The following DOK7 variants were observed in gnomAD, a reference collection of about 807,000 sequenced individuals.
DOK7 encodes docking protein 7.
Under a neutral mutation model 30.7 loss-of-function variants are expected in DOK7, and 32 were observed. The observed-to-expected ratio is 1.04, with a 90% CI of 0.79 to 1.40. The LOEUF (loss-of-function observed/expected upper bound fraction) is 1.40, where lower values mean the gene tolerates loss of function less well. DOK7 is among the 40% of genes most tolerant of loss of function. DOK7 has a pLI of 0.00. For missense variants in DOK7, 1,007 were observed against 699.2 expected, an observed-to-expected ratio of 1.44 and a Z score of -4.97; for synonymous variants, 447 against 324.1, an observed-to-expected ratio of 1.38 and a Z score of -4.07.
chr4:3,484,237 C>T (rs761552074), intron 4 of DOK7, among the ~76,000 whole-genome samples: 10 of 152,210 alleles, frequency 6.6e-5, no homozygotes, highest in South Asian at 6.2e-4. Context: ...CACAAGGTGC[C>T]GCTCGCCCTC....
intron 4 of DOK7, among the ~76,000 whole-genome samples, chr4:3,482,992 G>A (rs13118673): frequency 0.6 from 90,602 of 150,492 alleles, 27,546 homozygotes; most frequent in East Asian, 0.69. Flanking sequence ...CAGAGGCCAA[G>A]AAAAGCATCA....
chr4:3,463,563 G>A lies in DOK7; in HGVS notation c.100+12G>A, dbSNP rs1726096972. On this transcript the variant is annotated intron_variant, in intron 2 of 6. Coordinates refer to ENST00000340083, the MANE Select transcript of DOK7 (RefSeq NM_173660.5). ...GTCGCCCGTGGCAGGTGAGCGGGGC[G>A]GGCGGGGGACGGGGGGCGCGGGGGT... 2 of 1,516,664 alleles carry A rather than the reference G, an allele frequency of 1.3e-6. No individual in the cohort carries two copies. Among genetic ancestry groups the A allele is most frequent in the African/African-American group, 2.8e-5 (2 of 71,754 alleles). The allele number at this position is 1,516,664 out of a possible 1,614,324, so 94.0% of individuals were successfully genotyped here. A position where few individuals can be genotyped will look rare whatever the true frequency, so the allele number is the denominator to read the frequency against.
At chr4:3,482,223 C>T (rs1025210377) in intron 4 of DOK7, among the ~76,000 whole-genome samples, 4 of 152,186 alleles carry the variant, frequency 2.6e-5, no homozygotes, top group Admixed American at 6.5e-5. Flanking sequence ...TAGCGGCTGG[C>T]GGCTGTTCCC....
At position 3,500,015 on chromosome 4, in the gene DOK7, C is replaced by T. The variant is rs78772495; in HGVS notation, c.1109-236C>T. 7.6e-3 allele frequency among the ~76,000 whole-genome samples: 1,150 copies of T among 151,156 alleles called. 44 individuals carry two copies. Among genetic ancestry groups the T allele is most frequent in the East Asian group, 0.057 (284 of 5,002 alleles). On this transcript the variant is annotated intron_variant, in intron 6 of 7. Coordinates refer to the DOK7 transcript ENST00000643608. Reference sequence around the variant, plus strand: ...CGGCACAGTGGAGGGGACAGCGCTTCCTTCTGCTCTGTGGGTACTTGGACC... The same window carrying T: ...CGGCACAGTGGAGGGGACAGCGCTTTCTTCTGCTCTGTGGGTACTTGGACC...
downstream of DOK7, chr4:3,494,578 T>C (rs941523691): frequency 3.2e-6 from 3 of 943,998 alleles, no homozygotes; most frequent in Non-Finnish European, 3.8e-6. Context: ...GGGCCCGGCT[T>C]CCCTGGCCTT....
At chr4:3,479,349 C>T (rs1351451615) in intron 4 of DOK7, among the ~76,000 whole-genome samples, 4 of 152,234 alleles carry the variant, frequency 2.6e-5, no homozygotes, top group African/African-American at 9.6e-5. Context: ...CTCCTGTTCA[C>T]AGGCCCTGGT....
chr4:3,493,422 G>C lies in DOK7; in HGVS notation c.1436G>C (p.Gly479Ala), dbSNP rs368773296. The change falls in exon 7 of 7, where the codon GGC becomes GCC. Residue 479 changes from glycine to alanine, a missense_variant. Physicochemically the swap from Gly to Ala is moderately conservative, Grantham distance 60. Coordinates refer to ENST00000340083, the MANE Select transcript of DOK7 (RefSeq NM_173660.5). Reference sequence around the variant, plus strand: ...CCTGGCGAGCCCTGGGAAGCAGGCGGCCCCCACGCGGGGCCACCCCCGGCT... The same window carrying C: ...CCTGGCGAGCCCTGGGAAGCAGGCGCCCCCCACGCGGGGCCACCCCCGGCT... ...PAPGEPWEAG[G>A]PHAGPPPAFF... 1 of 1,600,538 alleles carries C rather than the reference G, an allele frequency of 6.2e-7. No homozygotes were observed. Among genetic ancestry groups the C allele is most frequent in the South Asian group, 1.1e-5 (1 of 89,624 alleles).
rs967143043 is a variant in DOK7 at position 3,485,722 on chromosome 4, C to CG, written c.652+70dup. ...CGGCAGGCTGTGCGACGTCCCGGGG[C>CG]GGGGGGCCACAGTGATTTGTCAGCC... On this transcript the variant is annotated intron_variant, in intron 5 of 6. Transcript: ENST00000340083. 10 of 1,426,344 alleles carry CG rather than the reference C, an allele frequency of 7.0e-6. No homozygotes were observed. In the Admixed American group the frequency reaches 7.7e-5, roughly 11 times the overall value. 88.4% of individuals were successfully genotyped at this position (1,426,344 alleles called of 1,614,324 possible).
chr4:3,463,361 G>T lies in DOK7; in HGVS notation c.-15G>T. On this transcript the variant is annotated 5_prime_UTR_variant, in exon 1 of 7. Transcript: ENST00000340083. ...GCGCCGGGGCGAGCGCGGCGGCGCG[G>T]AACCATGACAGAAGATGACCGAGGC... is the stretch of plus-strand genomic sequence containing the variant. 1 of 1,471,764 alleles carries T rather than the reference G, an allele frequency of 6.8e-7. No individual in the cohort carries two copies. Among genetic ancestry groups the T allele is most frequent in the Admixed American group, 2.7e-5 (1 of 37,000 alleles). 91.2% of individuals were successfully genotyped at this position (1,471,764 alleles called of 1,614,324 possible).
chr4:3,501,084 G>A, exon 8 of DOK7: 1 of 526,146 alleles, frequency 1.9e-6, no homozygotes, highest in Non-Finnish European at 3.3e-6. Flanking sequence ...CTGAGGCCCT[G>A]CTTCCAGGCA....
intron 5 of DOK7, 78 bp from the exon 6 acceptor site, chr4:3,489,599 T>C: frequency 1.3e-6 from 2 of 1,548,742 alleles, no homozygotes; most frequent in South Asian, 2.4e-5. Context: ...AACCACTGAG[T>C]CAGGCTGGGC....
chr4:3,471,839 G>A (rs961110930), intron 2 of DOK7, among the ~76,000 whole-genome samples: 6 of 152,244 alleles, frequency 3.9e-5, no homozygotes, highest in African/African-American at 1.4e-4. Flanking sequence ...TCTCAAATTG[G>A]GAATGCCTAG....
At chr4:3,480,945 G>C (rs1324002923) in intron 4 of DOK7, among the ~76,000 whole-genome samples, 1 of 152,204 alleles carries the variant, frequency 6.6e-6, no homozygotes, top group African/African-American at 2.4e-5. Context: ...AAGCTCTCTG[G>C]AGGGGCGAGC....
chr4:3,478,053 G>A (rs1727210189), intron 4 of DOK7, among the ~76,000 whole-genome samples: 1 of 152,170 alleles, frequency 6.6e-6, no homozygotes, highest in African/African-American at 2.4e-5. Flanking sequence ...GACACAGGCA[G>A]CCTGTCCTGT....
chr4:3,482,771 T>A (rs1197641557), intron 4 of DOK7, among the ~76,000 whole-genome samples: 3 of 152,180 alleles, frequency 2.0e-5, no homozygotes, highest in Non-Finnish European at 4.4e-5. Context: ...CAGCAGCCTC[T>A]CACCTATGTC....
Position 3,493,491 on chromosome 4 carries a change from C to A in DOK7, c.1505C>A (p.Pro502His). ...GTCTGTGGAGGACTCAAGGTAAACC[C>A]CCCTCCTTGAGAGCCGCAGATCCCG... The part of the protein sequence containing the change: ...CPVCGGLKVN[P>H]PP The change falls in exon 7 of 7, where the codon CCC becomes CAC. Residue 502 changes from proline (P) to histidine (H), a missense_variant. Coordinates refer to ENST00000340083, the MANE Select transcript of DOK7 (RefSeq NM_173660.5). 6.2e-7 allele frequency: 1 copy of A among 1,611,220 alleles called. No individual in the cohort carries two copies. Among genetic ancestry groups the A allele is most frequent in the Non-Finnish European group, 8.5e-7 (1 of 1,179,356 alleles).
chr4:3,478,496 A>AGGCTGGCCCCAGAGAACCTGCAAATGGG (rs1727245545), intron 4 of DOK7, among the ~76,000 whole-genome samples: 1 of 139,902 alleles, frequency 7.1e-6, no homozygotes, highest in South Asian at 2.3e-4. Flanking sequence ...CCTGCAAACC[A>AGGCTGGCCCCAGAGAACCTGCAAATGGG]GGCTGGCCCC....
At chr4:3,496,018 G>A (rs762852318), downstream of DOK7, among the ~76,000 whole-genome samples, 8 of 152,168 alleles carry the variant, frequency 5.3e-5, no homozygotes, top group Non-Finnish European at 8.8e-5. Context: ...CCACCCACGA[G>A]GCCCCTCAGA....
intron 4 of DOK7, chr4:3,484,541 C>T: frequency 1.0e-6 from 1 of 985,510 alleles, no homozygotes; most frequent in Non-Finnish European, 1.2e-6. Context: ...AGCCCAGTGG[C>T]CCATTCACGC....
Sources: allele counts gnomAD v4.1 joint callset (sites outside exome capture counted in the v4.1 genomes callset), GRCh38; gene constraint gnomAD v4.1.1; transcripts MANE v1.5; gene names NCBI Gene and HGNC (gene_info 2026-07-23, HGNC 2026-07-21).